LIMS1: variants seen among roughly 807,000 people sequenced by gnomAD.
The protein encoded by LIMS1 is LIM and senescent cell antigen-like-containing domain protein 1.
In LIMS1, 18 loss-of-function variants were observed where a neutral mutation model predicts 44.1. The ratio of observed to expected loss-of-function variants is 0.41; its 90% CI spans 0.28 to 0.61. LIMS1 has a LOEUF of 0.61. LIMS1 is among the 20% of genes least tolerant of loss of function. The pLI is 0.32. For synonymous variants in LIMS1, 93 were observed against 149.1 expected (o/e 0.62, Z 2.74); for missense variants, 201 against 422.0 (o/e 0.48, Z 4.59).
intron 1 of LIMS1, among the ~76,000 whole-genome samples, chr2:108,598,429 AGGAGTACTATGTTT>A (rs1464448899): frequency 6.6e-6 from 1 of 152,222 alleles, no homozygotes; most frequent in Non-Finnish European, 1.5e-5. Context: ...GGAGAGACTG[AGGAGTACTATGTTT>A]GGAAGGAAAG....
chr2:108,628,730 G>A (rs891045564), intron 1 of LIMS1, among the ~76,000 whole-genome samples: 2 of 152,182 alleles, frequency 1.3e-5, no homozygotes, highest in African/African-American at 4.8e-5. Flanking sequence ...CTCCCAAATC[G>A]CTGGGATTAC....
At chr2:108,650,852 T>C (rs1033111533) in intron 1 of LIMS1, among the ~76,000 whole-genome samples, 3 of 122,820 alleles carry the variant, frequency 2.4e-5, no homozygotes, top group African/African-American at 7.8e-5. Context: ...GCTATGACTT[T>C]TATTTATTTA....
At chr2:108,637,094 C>CAT (rs753091590) in intron 1 of LIMS1, among the ~76,000 whole-genome samples, 3,448 of 92,228 alleles carry the variant, frequency 0.037, 133 homozygotes, top group African/African-American at 0.11. Flanking sequence ...GCAAAATATA[C>CAT]ATATATGTGT....
chr2:108,642,902 TG>T (rs1689803642), intron 1 of LIMS1, among the ~76,000 whole-genome samples: 1 of 152,218 alleles, frequency 6.6e-6, no homozygotes, highest in African/African-American at 2.4e-5. Flanking sequence ...AGGACACTAC[TG>T]TGTGCCAACT....
At chr2:108,553,571 TGAC>T in intron 1 of LIMS1, among the ~76,000 whole-genome samples, 1 of 152,212 alleles carries the variant, frequency 6.6e-6, no homozygotes, top group East Asian at 1.9e-4. Flanking sequence ...AGTTTTTCAT[TGAC>T]ATTCCTATTT....
chr2:108,629,873 T>A (rs1688797187), intron 1 of LIMS1, among the ~76,000 whole-genome samples: 1 of 152,138 alleles, frequency 6.6e-6, no homozygotes, highest in South Asian at 2.1e-4. Flanking sequence ...TGCAGAGGCG[T>A]CTTGGTTTAG....
At chr2:108,639,900 C>T (rs934298435) in intron 1 of LIMS1, among the ~76,000 whole-genome samples, 2 of 152,220 alleles carry the variant, frequency 1.3e-5, no homozygotes, top group Non-Finnish European at 2.9e-5. Context: ...ACAAATTCAA[C>T]TTACCAAACC....
intron 1 of LIMS1, among the ~76,000 whole-genome samples, chr2:108,569,801 A>G (rs1312596647): frequency 1.4e-4 from 14 of 101,292 alleles, no homozygotes; most frequent in African/African-American, 1.5e-4. Flanking sequence ...AGGTCTTGCT[A>G]TGTTGCCCAG....
intron 1 of LIMS1, among the ~76,000 whole-genome samples, chr2:108,598,729 A>G (rs939449269): frequency 6.6e-6 from 1 of 152,180 alleles, no homozygotes; most frequent in African/African-American, 2.4e-5. Flanking sequence ...TGTCATTGTA[A>G]ACGTAGCCCT....
chr2:108,551,925 A>G (rs1181386902), intron 1 of LIMS1, among the ~76,000 whole-genome samples: 10 of 98,782 alleles, frequency 1.0e-4, no homozygotes, highest in African/African-American at 1.8e-4. Flanking sequence ...GTATATGTGT[A>G]TATATGTGTG....
At chr2:108,680,540 TAAAAAAAAA>T (rs772500201) in intron 8 of LIMS1, among the ~76,000 whole-genome samples, 146 bp from the exon 9 acceptor site, 8 of 81,586 alleles carry the variant, frequency 9.8e-5, no homozygotes, top group Admixed American at 1.6e-4. Flanking sequence ...CTGTCTCATT[TAAAAAAAAA>T]AAAAAAAAAA....
chr2:108,652,872 T>C (rs1690595841), intron 1 of LIMS1, among the ~76,000 whole-genome samples: 1 of 152,176 alleles, frequency 6.6e-6, no homozygotes, highest in Non-Finnish European at 1.5e-5. Context: ...GTCTGTCTCT[T>C]TCTTCCCCTC....
rs1276089968 is a variant in LIMS1 at position 108,630,474 on chromosome 2, AT to A, written c.33-29130del. Among the ~76,000 whole-genome samples the A allele has an allele frequency of 3.3e-5, 5 of 152,360 alleles. No individual in the cohort carries two copies. The East Asian group carries it at 9.6e-4, about 29-fold the overall frequency. On this transcript the variant is annotated intron_variant, in intron 1 of 9. Coordinates refer to ENST00000544547, the Ensembl canonical transcript of LIMS1. ...ACTTGATGACTGTTGGAGTTGGATA[AT>A]GGTTCAGAGGGATTCGTTATACTCA...
chr2:108,572,100 A>G (rs1305124832), intron 1 of LIMS1, among the ~76,000 whole-genome samples: 1 of 152,334 alleles, frequency 6.6e-6, no homozygotes, highest in East Asian at 1.9e-4. Flanking sequence ...CCTATTATAA[A>G]GCCACTAGAA....
At chr2:108,552,277 ATG>A (rs1415732726) in intron 1 of LIMS1, among the ~76,000 whole-genome samples, 1 of 136,048 alleles carries the variant, frequency 7.4e-6, no homozygotes, top group Non-Finnish European at 1.6e-5. Flanking sequence ...TAGTATATAT[ATG>A]AAACTATATA....
chr2:108,556,996 T>C (rs548862468), intron 1 of LIMS1, among the ~76,000 whole-genome samples: 1 of 152,318 alleles, frequency 6.6e-6, no homozygotes, highest in African/African-American at 2.4e-5. Context: ...CAGTTTCTTT[T>C]TTGTTTTCAT....
intron 2 of LIMS1, among the ~76,000 whole-genome samples, chr2:108,667,613 T>G (rs943076121): frequency 2.6e-5 from 4 of 151,146 alleles, no homozygotes; most frequent in Non-Finnish European, 4.4e-5. Context: ...TATACATCTT[T>G]CTCTTTCATT....
intron 1 of LIMS1, among the ~76,000 whole-genome samples, chr2:108,570,016 A>G (rs961019998): frequency 1.3e-5 from 2 of 152,178 alleles, no homozygotes; most frequent in Non-Finnish European, 2.9e-5. Flanking sequence ...AAATGGAGAA[A>G]AGTATACAAA....
At chr2:108,644,881 A>G (rs1468908815) in intron 1 of LIMS1, among the ~76,000 whole-genome samples, 1 of 151,920 alleles carries the variant, frequency 6.6e-6, no homozygotes, top group East Asian at 1.9e-4. Flanking sequence ...AAGTCGATCA[A>G]GCAGAAGAAA....
Sources: gnomAD v4.1 joint callset for allele counts (sites outside exome capture counted in the v4.1 genomes callset) on GRCh38, gnomAD v4.1.1 for gene constraint, MANE v1.5 for transcripts, NCBI Gene and HGNC (gene_info 2026-07-23, HGNC 2026-07-21) for gene names.